MEF2C: variants seen among roughly 807,000 people sequenced by gnomAD.
The protein encoded by MEF2C is myocyte-specific enhancer factor 2C.
A neutral mutation model predicts 50.5 loss-of-function variants in MEF2C; 6 were observed. The observed-to-expected ratio is 0.12, with a 90% confidence interval of 0.07 to 0.23. The LOEUF (loss-of-function observed/expected upper bound fraction) is 0.23, where lower values mean the gene tolerates loss of function less well. MEF2C is among the 10% of genes least tolerant of loss of function. The pLI, the probability that MEF2C is intolerant of heterozygous loss-of-function variation, is 1.00. For missense variants in MEF2C, 276 were observed against 605.0 expected (o/e 0.46, Z 5.70); for synonymous variants, 183 against 228.0 (o/e 0.80, Z 1.78).
At chr5:88,742,416 C>G in intron 6 of MEF2C, 2 of 983,776 alleles carry the variant, frequency 2.0e-6, no homozygotes, top group Non-Finnish European at 2.4e-6. Flanking sequence ...ATATTAAAAA[C>G]AACCAAGGTT....
intron 3 of MEF2C, among the ~76,000 whole-genome samples, chr5:88,791,954 G>A (rs1254995325): frequency 2.0e-5 from 3 of 151,912 alleles, no homozygotes; most frequent in Non-Finnish European, 2.9e-5. Flanking sequence ...TCAATACCAT[G>A]TATTGAAAAG....
intron 1 of MEF2C, among the ~76,000 whole-genome samples, chr5:88,841,602 GTT>G (rs756279495): frequency 1.4e-4 from 22 of 151,886 alleles, no homozygotes; most frequent in Non-Finnish European, 2.8e-4. Context: ...CATGAAATTT[GTT>G]TTGTTTCTTA....
At chr5:88,881,325 C>T (rs899748388) in intron 1 of MEF2C, 4 of 152,172 alleles carry the variant, frequency 2.6e-5, no homozygotes, top group African/African-American at 7.2e-5. Flanking sequence ...TTTTACCTAT[C>T]AAGTTCTGAG....
chr5:88,753,565 A>AT (rs935999582), intron 4 of MEF2C, among the ~76,000 whole-genome samples: 3 of 151,992 alleles, frequency 2.0e-5, no homozygotes, highest in African/African-American at 7.2e-5. Flanking sequence ...ATTTTTTTGT[A>AT]TTTTTAGTAG....
At chr5:88,801,399 T>TC (rs1798265783) in intron 3 of MEF2C, among the ~76,000 whole-genome samples, 1 of 152,180 alleles carries the variant, frequency 6.6e-6, no homozygotes, top group Admixed American at 6.5e-5. Context: ...CGAATTCAAA[T>TC]CCCTGATGTA....
intron 5 of MEF2C, chr5:88,749,954 T>C (rs905008932): frequency 1.3e-5 from 2 of 154,062 alleles, no homozygotes; most frequent in Non-Finnish European, 2.8e-5. Context: ...GGCGTGAACC[T>C]GGGAGGCAGA....
intron 1 of MEF2C, among the ~76,000 whole-genome samples, chr5:88,889,850 G>A (rs1184373767): frequency 6.6e-6 from 1 of 152,144 alleles, no homozygotes. Flanking sequence ...GATGGGCTCA[G>A]AGCGACCCAC....
At chr5:88,820,990 T>C (rs920893209) in intron 2 of MEF2C, among the ~76,000 whole-genome samples, 2 of 151,942 alleles carry the variant, frequency 1.3e-5, no homozygotes, top group Non-Finnish European at 2.9e-5. Flanking sequence ...TAATTCTGTT[T>C]AAAAGTATTG....
chr5:88,832,888 G>A (rs956710662), intron 1 of MEF2C, among the ~76,000 whole-genome samples: 7 of 152,116 alleles, frequency 4.6e-5, no homozygotes, highest in African/African-American at 1.7e-4. Context: ...GGCTGTCACA[G>A]TTCTCAGAGC....
intron 1 of MEF2C, among the ~76,000 whole-genome samples, chr5:88,868,566 ATAGT>A (rs1045450660): frequency 4.6e-5 from 7 of 152,120 alleles, no homozygotes; most frequent in African/African-American, 1.4e-4. Context: ...CAATACTGGC[ATAGT>A]TAGTTAGTGA....
At chr5:88,895,674 C>T (rs1364706950) in intron 1 of MEF2C, among the ~76,000 whole-genome samples, 2 of 152,160 alleles carry the variant, frequency 1.3e-5, no homozygotes, top group African/African-American at 2.4e-5. Context: ...GCAGGCCCTG[C>T]TTTCACTTTG....
chr5:88,801,826 T>G (rs1160269712), intron 3 of MEF2C, among the ~76,000 whole-genome samples: 11 of 152,144 alleles, frequency 7.2e-5, no homozygotes, highest in Admixed American at 7.2e-4. Context: ...CCAATCCAGA[T>G]TCCCTCTTCA....
chr5:88,901,950 T>TA (rs1409702826), intron 1 of MEF2C, among the ~76,000 whole-genome samples: 1 of 151,898 alleles, frequency 6.6e-6, no homozygotes, highest in African/African-American at 2.4e-5. Flanking sequence ...GACAGAGTCA[T>TA]AAACAATAGT....
intron 4 of MEF2C, among the ~76,000 whole-genome samples, chr5:88,757,842 G>C (rs1305166626): frequency 1.3e-5 from 2 of 152,162 alleles, no homozygotes; most frequent in African/African-American, 4.8e-5. Context: ...CTTGAACATG[G>C]GAGGCGGAGG....
At chr5:88,868,572 A>AC (rs774784527) in intron 1 of MEF2C, among the ~76,000 whole-genome samples, 17 of 152,164 alleles carry the variant, frequency 1.1e-4, no homozygotes, top group Non-Finnish European at 2.2e-4. Flanking sequence ...TGGCATAGTT[A>AC]GTTAGTGAGG....
intron 3 of MEF2C, among the ~76,000 whole-genome samples, chr5:88,775,129 C>A (rs1313654799): frequency 5.9e-5 from 9 of 152,172 alleles, no homozygotes; most frequent in Non-Finnish European, 1.0e-4. Context: ...CCAGCTAGTA[C>A]CAGAAAAATA....
intron 6 of MEF2C, chr5:88,739,587 T>A (rs1311409035): frequency 6.1e-6 from 6 of 984,948 alleles, no homozygotes. Context: ...CCTACTCTAC[T>A]GGAAGTGACA....
At chr5:88,774,029 T>G (rs1783632371) in intron 3 of MEF2C, among the ~76,000 whole-genome samples, 1 of 152,180 alleles carries the variant, frequency 6.6e-6, no homozygotes, top group African/African-American at 2.4e-5. Flanking sequence ...CAGACAGACA[T>G]CCTGGGGTTT....
intron 6 of MEF2C, chr5:88,734,593 T>TAAAA: frequency 4.7e-6 from 4 of 853,868 alleles, no homozygotes; most frequent in Non-Finnish European, 5.5e-6. Flanking sequence ...TTTTTTTTTT[T>TAAAA]TTTTTAGCAT....
Sources: gnomAD v4.1 joint callset for allele counts (sites outside exome capture counted in the v4.1 genomes callset) on GRCh38, gnomAD v4.1.1 for gene constraint, MANE v1.5 for transcripts, NCBI Gene and HGNC (gene_info 2026-07-23, HGNC 2026-07-21) for gene names.